Variants in IL1RAPL2 observed in about 807,000 individuals in gnomAD.
IL1RAPL2 encodes interleukin 1 receptor accessory protein like 2, also known as X-linked interleukin-1 receptor accessory protein-like 2.
IL1RAPL2 carries 3 observed loss-of-function variants against 44.1 expected under a neutral mutation model. That is an observed-to-expected ratio of 0.07 (90% CI 0.03 to 0.18). The LOEUF (loss-of-function observed/expected upper bound fraction) is 0.18, where lower values mean the gene tolerates loss of function less well. Ranked by LOEUF, IL1RAPL2 falls within the 10% of genes least tolerant of loss-of-function variation. The pLI, the probability that IL1RAPL2 is intolerant of heterozygous loss-of-function variation, is 1.00. For synonymous variants in IL1RAPL2, 181 were observed against 178.8 expected (o/e 1.01, Z -0.10); for missense variants, 391 against 496.4 (o/e 0.79, Z 2.02).
chrX:104,696,612 G>A (rs1328456987), intron 2 of IL1RAPL2, among the ~76,000 whole-genome samples: 1 of 112,067 alleles, frequency 8.9e-6, no homozygotes, highest in African/African-American at 3.2e-5. Context: ...AATTTGGCAG[G>A]GTTTGGGGGT....
intron 5 of IL1RAPL2, among the ~76,000 whole-genome samples, chrX:105,278,956 C>T (rs951289192): frequency 4.5e-5 from 5 of 111,551 alleles, no homozygotes; most frequent in African/African-American, 1.6e-4. Context: ...CCTCGTGAAG[C>T]CATCACAGAC....
At chrX:104,923,310 A>G (rs956545213) in intron 2 of IL1RAPL2, among the ~76,000 whole-genome samples, 1 of 111,866 alleles carries the variant, frequency 8.9e-6, no homozygotes, top group East Asian at 2.8e-4. Flanking sequence ...TTCATAGAAC[A>G]CCTGACAGAC....
chrX:105,182,995 G>C (rs2033548424), intron 2 of IL1RAPL2, among the ~76,000 whole-genome samples: 1 of 111,220 alleles, frequency 9.0e-6, no homozygotes, highest in Non-Finnish European at 1.9e-5. Flanking sequence ...GGAATGCATA[G>C]ATGCCAGCAA....
At chrX:104,940,570 A>T (rs183979599) in intron 2 of IL1RAPL2, among the ~76,000 whole-genome samples, 26 of 110,718 alleles carry the variant, frequency 2.3e-4, no homozygotes, top group Non-Finnish European at 3.8e-5. Flanking sequence ...CTAATTTCTT[A>T]TTTGGGGGTT....
At chrX:104,685,940 TAATAAATA>T (rs777471781) in intron 2 of IL1RAPL2, among the ~76,000 whole-genome samples, 9 of 106,991 alleles carry the variant, frequency 8.4e-5, no homozygotes, top group Admixed American at 6.1e-4. Context: ...AATAAATAAA[TAATAAATA>T]AATAAATAAA....
chrX:105,135,922 G>A (rs1220488540), intron 2 of IL1RAPL2, among the ~76,000 whole-genome samples: 3 of 111,684 alleles, frequency 2.7e-5, no homozygotes, highest in African/African-American at 9.8e-5. Context: ...AACATAAGCT[G>A]TAGATTTGGG....
intron 5 of IL1RAPL2, among the ~76,000 whole-genome samples, chrX:105,272,771 A>G (rs1190402040): frequency 1.8e-5 from 2 of 112,541 alleles, no homozygotes; most frequent in Non-Finnish European, 3.7e-5. Context: ...AAATGCTTTT[A>G]ATTCCACTTT....
chrX:105,698,175 A>G (rs141751414), intron 6 of IL1RAPL2, among the ~76,000 whole-genome samples: 2,357 of 111,183 alleles, frequency 0.021, 61 homozygotes, highest in African/African-American at 0.073. Context: ...TGTCATTGCC[A>G]CTATCATTAT....
intron 4 of IL1RAPL2, among the ~76,000 whole-genome samples, chrX:105,261,024 G>A (rs1485410570): frequency 8.9e-6 from 1 of 111,864 alleles, no homozygotes; most frequent in East Asian, 2.8e-4. Context: ...TTTCTGGAAA[G>A]CCCAAGTATA....
At chrX:105,011,155 A>G (rs1015460135) in intron 2 of IL1RAPL2, among the ~76,000 whole-genome samples, 1 of 111,216 alleles carries the variant, frequency 9.0e-6, no homozygotes, top group African/African-American at 3.3e-5. Context: ...GCTTCCTCAT[A>G]TGTAAAGGTG....
intron 2 of IL1RAPL2, among the ~76,000 whole-genome samples, chrX:105,191,278 C>T (rs1045923644): frequency 3.5e-5 from 4 of 112,776 alleles, no homozygotes; most frequent in Admixed American, 9.3e-5. Context: ...TGCAATGGCA[C>T]GATCTCAGCT....
At chrX:105,325,541 TTATATATATATATATA>T (rs3035842) in intron 5 of IL1RAPL2, among the ~76,000 whole-genome samples, 881 of 76,067 alleles carry the variant, frequency 0.012, 6 homozygotes, top group Non-Finnish European at 0.016. Context: ...TCTCTTGGTT[TTATATATATATATATA>T]TATATATATA....
chrX:104,775,498 A>G (rs748164679), intron 2 of IL1RAPL2, among the ~76,000 whole-genome samples: 12 of 112,090 alleles, frequency 1.1e-4, no homozygotes, highest in Middle Eastern at 4.6e-3. Flanking sequence ...GATTAGTTGC[A>G]TTTCTGAAGG....
intron 2 of IL1RAPL2, among the ~76,000 whole-genome samples, chrX:104,892,441 G>C (rs1343569281): frequency 9.0e-6 from 1 of 110,849 alleles, no homozygotes; most frequent in South Asian, 3.8e-4. Flanking sequence ...TTTTTTGGTT[G>C]GTAGTCTATT....
At chrX:104,946,539 A>G (rs1161473683) in intron 2 of IL1RAPL2, among the ~76,000 whole-genome samples, 1 of 96,416 alleles carries the variant, frequency 1.0e-5, no homozygotes, top group Non-Finnish European at 2.1e-5. Flanking sequence ...AGCATTAAGT[A>G]TATCTCCCAA....
intron 2 of IL1RAPL2, among the ~76,000 whole-genome samples, chrX:105,067,093 T>C (rs2032146797): frequency 8.9e-6 from 1 of 112,108 alleles, no homozygotes; most frequent in African/African-American, 3.2e-5. Context: ...CAAGTTCCGC[T>C]GAGTAAGACC....
At chrX:104,967,713 A>T (rs1602858987) in intron 2 of IL1RAPL2, among the ~76,000 whole-genome samples, 1 of 111,148 alleles carries the variant, frequency 9.0e-6, no homozygotes, top group East Asian at 2.8e-4. Context: ...TTAGGAATTA[A>T]AAAGGAGAGA....
intron 6 of IL1RAPL2, among the ~76,000 whole-genome samples, chrX:105,615,368 G>A (rs1423629186): frequency 1.8e-5 from 2 of 111,779 alleles, no homozygotes; most frequent in Non-Finnish European, 3.8e-5. Context: ...TATCAAAGAG[G>A]TATCTGCACT....
At chrX:105,414,964 G>A (rs184333989) in intron 5 of IL1RAPL2, among the ~76,000 whole-genome samples, 3 of 111,940 alleles carry the variant, frequency 2.7e-5, no homozygotes, top group East Asian at 5.6e-4. Context: ...ATAATTTACT[G>A]TACAGATGTA....
Sources: gnomAD v4.1 joint callset for allele counts (sites outside exome capture counted in the v4.1 genomes callset) on GRCh38, gnomAD v4.1.1 for gene constraint, MANE v1.5 for transcripts, NCBI Gene and HGNC (gene_info 2026-07-23, HGNC 2026-07-21) for gene names.